RAPGEF5: variants seen among roughly 807,000 people sequenced by gnomAD.
The protein encoded by RAPGEF5 is M-Ras-regulated GEF.
A neutral mutation model predicts 125.2 loss-of-function variants in RAPGEF5; 65 were observed. That is an observed-to-expected ratio of 0.52 (90% confidence interval 0.43 to 0.64). The LOEUF (loss-of-function observed/expected upper bound fraction) is 0.64. Ranked by LOEUF, RAPGEF5 falls within the 30% of genes least tolerant of loss-of-function variation. The probability of loss-of-function intolerance (pLI) is 0.00; values close to 1 mark genes in which losing one functional copy is unlikely to be tolerated. For synonymous variants in RAPGEF5, 391 were observed against 385.9 expected (o/e 1.01, Z -0.16); for missense variants, 958 against 1,048.1 (o/e 0.91, Z 1.19).
intron 5 of RAPGEF5, among the ~76,000 whole-genome samples, chr7:22,300,338 A>G (rs1783168738): frequency 6.6e-6 from 1 of 152,162 alleles, no homozygotes. Flanking sequence ...AACAACTTCT[A>G]TCCCTCTATT....
At chr7:22,250,576 C>T (rs17146469) in intron 7 of RAPGEF5, among the ~76,000 whole-genome samples, 1 of 152,044 alleles carries the variant, frequency 6.6e-6, no homozygotes, top group Non-Finnish European at 1.5e-5. Context: ...GAAGGATGGA[C>T]ACTAGCTGGG....
At chr7:22,136,226 T>C (rs2128101766) in intron 22 of RAPGEF5, 101 bp from the exon 23 acceptor site, 4 of 817,684 alleles carry the variant, frequency 4.9e-6, no homozygotes, top group South Asian at 2.0e-5. Flanking sequence ...AACTTAGATA[T>C]AGAGAGATTC....
intron 5 of RAPGEF5, chr7:22,298,557 AT>A (rs1783120969): frequency 6.6e-6 from 1 of 152,018 alleles, no homozygotes; most frequent in African/African-American, 2.4e-5. Flanking sequence ...CTCCTCTTTA[AT>A]TTTCTGAAAG....
chr7:22,338,973 A>T (rs1784075788), intron 1 of RAPGEF5, among the ~76,000 whole-genome samples: 1 of 152,214 alleles, frequency 6.6e-6, no homozygotes, highest in African/African-American at 2.4e-5. Flanking sequence ...TTCATAGAAA[A>T]AACCTGAAGC....
intron 3 of RAPGEF5, among the ~76,000 whole-genome samples, chr7:22,310,873 A>T (rs1206796319): frequency 6.6e-6 from 1 of 152,348 alleles, no homozygotes; most frequent in Admixed American, 6.5e-5. Context: ...ATTCAAAAAA[A>T]TGTCATAACC....
At chr7:22,222,328 G>A (rs188307336) in intron 8 of RAPGEF5, among the ~76,000 whole-genome samples, 1 of 151,828 alleles carries the variant, frequency 6.6e-6, no homozygotes, top group African/African-American at 2.4e-5. Context: ...GGTAATATAT[G>A]ACAGAAAAAA....
intron 6 of RAPGEF5, 127 bp downstream of exon 6, chr7:22,291,048 T>A: frequency 9.2e-7 from 1 of 1,090,086 alleles, no homozygotes; most frequent in Non-Finnish European, 1.2e-6. Flanking sequence ...CCTTGCCTCA[T>A]ACCTCCCACA....
At position 22,167,127 on chromosome 7, in the gene RAPGEF5, AG is replaced by A; in HGVS notation, c.1225del (p.Leu409PhefsTer8). The A allele has an allele frequency of 6.2e-7, 1 of 1,613,062 alleles. No individual in the cohort carries two copies. The highest frequency in any genetic ancestry group is 8.5e-7 in the Non-Finnish European group (1 of 1,179,400). ...KETETLLDDF[L>X]LTYTVFMTTD... The stretch of plus-strand genomic sequence containing the variant: ...TGTCATGAAGACAGTGTACGTGAGA[AG>A]GAAGTCATCCAGGAGGGTCTCTGCA... On this transcript the variant is annotated frameshift_variant, in exon 12 of 26. Transcript: ENST00000665637. LOFTEE classifies it high-confidence loss of function.
At chr7:22,187,314 A>T (rs1401861416) in intron 11 of RAPGEF5, among the ~76,000 whole-genome samples, 2 of 152,170 alleles carry the variant, frequency 1.3e-5, no homozygotes, top group Non-Finnish European at 2.9e-5. Context: ...TACTTTAGAG[A>T]TCATTTCATT....
chr7:22,313,795 G>C (rs1783527770), intron 3 of RAPGEF5, among the ~76,000 whole-genome samples: 1 of 152,206 alleles, frequency 6.6e-6, no homozygotes, highest in Non-Finnish European at 1.5e-5. Context: ...TTTTAAAAAG[G>C]AGAAGTCAGA....
intron 1 of RAPGEF5, 147 bp from the exon 2 acceptor site, chr7:22,318,184 A>T: frequency 1.3e-6 from 1 of 793,968 alleles, no homozygotes; most frequent in Non-Finnish European, 1.9e-6. Context: ...ATGGTCCCTA[A>T]GGGCTTAGCA....
chr7:22,270,199 T>A (rs919864122), intron 6 of RAPGEF5, among the ~76,000 whole-genome samples: 1 of 152,188 alleles, frequency 6.6e-6, no homozygotes, highest in African/African-American at 2.4e-5. Flanking sequence ...GCACTGTGCC[T>A]GCACTGAATA....
Position 22,357,024 on chromosome 7 carries a change from G to A in RAPGEF5, c.37C>T (p.Pro13Ser). 9.7e-7 allele frequency: 1 copy of A among 1,029,912 alleles called. No individual in the cohort carries two copies. Among genetic ancestry groups the A allele is most frequent in the Non-Finnish European group, 1.2e-6 (1 of 860,742 alleles). 63.8% of individuals were successfully genotyped at this position (1,029,912 alleles called of 1,614,324 possible). ...GCGGCCAGGGCCGGGCTCTCGCACGGCGGCTGCATCTTGACGGAGCCCACG... is the reference window on the plus strand; with the variant it reads ...GCGGCCAGGGCCGGGCTCTCGCACGACGGCTGCATCTTGACGGAGCCCACG... ...MAVGSVKMQPPCESPALAAAA... is the reference protein window; with the variant it reads ...MAVGSVKMQPSCESPALAAAA... Residue 13 changes from proline to serine, a missense_variant, in exon 1 of 26, where the codon CCG becomes TCG. Coordinates refer to ENST00000665637, the MANE Select transcript of RAPGEF5 (RefSeq NM_012294.5).
At chr7:22,318,580 T>C (rs1180695294) in intron 1 of RAPGEF5, among the ~76,000 whole-genome samples, 1 of 152,156 alleles carries the variant, frequency 6.6e-6, no homozygotes, top group Non-Finnish European at 1.5e-5. Flanking sequence ...CTCCAACAGA[T>C]TTCCAGTATT....
chr7:22,293,074 T>G (rs549807169), intron 5 of RAPGEF5, among the ~76,000 whole-genome samples: 1 of 152,346 alleles, frequency 6.6e-6, no homozygotes, highest in South Asian at 2.1e-4. Flanking sequence ...AGGAAATATG[T>G]GTAAGAGGGA....
intron 1 of RAPGEF5, among the ~76,000 whole-genome samples, chr7:22,343,943 T>C (rs191534976): frequency 1.1e-3 from 167 of 152,092 alleles, no homozygotes; most frequent in Non-Finnish European, 2.0e-3. Context: ...TGCTAGGCAA[T>C]TGCAGAGAAG....
intron 6 of RAPGEF5, among the ~76,000 whole-genome samples, chr7:22,275,760 C>G (rs1187420261): frequency 6.6e-6 from 1 of 152,166 alleles, no homozygotes; most frequent in Admixed American, 6.5e-5. Flanking sequence ...ATATGTCAGC[C>G]TGCAGTTGAA....
At chr7:22,356,337 T>C (rs769642685) in intron 1 of RAPGEF5, 6 of 854,384 alleles carry the variant, frequency 7.0e-6, no homozygotes, top group Non-Finnish European at 8.4e-6. Context: ...TTCCGACTCC[T>C]GGGTCTGCCC....
At chr7:22,130,934 T>A in intron 24 of RAPGEF5, 103 bp downstream of exon 24, 1 of 1,447,060 alleles carries the variant, frequency 6.9e-7, no homozygotes, top group Middle Eastern at 1.8e-4. Flanking sequence ...TCGCCATGCA[T>A]CCAATGGAGA....
Sources: gnomAD v4.1 joint callset for allele counts (sites outside exome capture counted in the v4.1 genomes callset) on GRCh38, gnomAD v4.1.1 for gene constraint, MANE v1.5 for transcripts, NCBI Gene and HGNC (gene_info 2026-07-23, HGNC 2026-07-21) for gene names.